WFDC10A: variants seen among roughly 807,000 people sequenced by gnomAD.
WFDC10A encodes the protein WAP four-disulfide core domain protein 10A.
WFDC10A carries 2 observed loss-of-function variants against 2.6 expected under a neutral mutation model. The observed-to-expected ratio is 0.76, with a 90% CI of 0.31 to 2.40. The LOEUF is 2.40. Among genes scored for constraint, WFDC10A ranks in the 30% most tolerant of loss-of-function variants. WFDC10A has a pLI of 0.12. For missense variants in WFDC10A, 84 were observed against 91.8 expected (o/e 0.92, Z 0.35); for synonymous variants, 36 against 36.3 (o/e 0.99, Z 0.03).
intron 1 of WFDC10A, 26 bp from the exon 2 acceptor site, chr20:45,630,844 A>G (rs754872788): frequency 6.4e-7 from 1 of 1,561,910 alleles, no homozygotes; most frequent in Non-Finnish European, 8.6e-7. Flanking sequence ...AACTGCGTTT[A>G]TTTACCGTTC....
In WFDC10A at chr20:45,631,064, A is replaced by G. The variant is rs1157100851; in HGVS notation, c.*46A>G. On this transcript the variant is annotated 3_prime_UTR_variant, in exon 2 of 2. Coordinates refer to ENST00000372643, the MANE Select transcript of WFDC10A (RefSeq NM_080753.3). Reference sequence around the variant, plus strand: ...GTGCATCCTGCTTCCCAACTCCTCTATCCAAGACTGTGCCCACATCCGAAG... The same window carrying G: ...GTGCATCCTGCTTCCCAACTCCTCTGTCCAAGACTGTGCCCACATCCGAAG... The G allele has an allele frequency of 1.3e-6, 2 of 1,518,806 alleles. No individual in the cohort carries two copies. The highest frequency in any genetic ancestry group is 2.4e-5 in the East Asian group (1 of 41,686). 94.1% of individuals were successfully genotyped at this position (1,518,806 alleles called of 1,614,324 possible). A position where few individuals can be genotyped will look rare whatever the true frequency, so the allele number is the denominator to read the frequency against.
At position 45,630,987 on chromosome 20, in the gene WFDC10A, A is replaced by G. The variant is rs1303748514; in HGVS notation, c.209A>G (p.Tyr70Cys). The G allele has an allele frequency of 1.9e-6, 3 of 1,605,712 alleles. No individual in the cohort carries two copies. Among genetic ancestry groups the G allele is most frequent in the African/African-American group, 1.3e-5 (1 of 74,312 alleles). The change falls in exon 2 of 2, where the codon TAC (tyrosine) becomes TGC (cysteine). Residue 70 changes from tyrosine to cysteine, a missense_variant. Tyr to Cys is a radical substitution (Grantham distance 194, BLOSUM62 -2). Coordinates refer to ENST00000372643, the MANE Select transcript of WFDC10A (RefSeq NM_080753.3). Reference protein sequence around the residue: ...CQANNICCSTYCGNVCMSIL With the variant: ...CQANNICCSTCCGNVCMSIL ...GCAAATAACATATGCTGTTCTACCT[A>G]CTGTGGGAATGTTTGCATGAGCATC... is the stretch of plus-strand genomic sequence containing the variant.
At position 45,631,078 on chromosome 20, in the gene WFDC10A, C is replaced by T. The variant is rs1322609908; in HGVS notation, c.*60C>T. The T allele has an allele frequency of 4.1e-6, 6 of 1,479,826 alleles. No individual in the cohort carries two copies. Among genetic ancestry groups the T allele is most frequent in the Non-Finnish European group, 5.4e-6 (6 of 1,114,250 alleles). 91.7% of individuals were successfully genotyped at this position (1,479,826 alleles called of 1,614,324 possible). On this transcript the variant is annotated 3_prime_UTR_variant, in exon 2 of 2. Transcript: ENST00000372643. Reference sequence around the variant, plus strand: ...CCAACTCCTCTATCCAAGACTGTGCCCACATCCGAAGCACAAGGACCTCAA... The same window carrying T: ...CCAACTCCTCTATCCAAGACTGTGCTCACATCCGAAGCACAAGGACCTCAA...
chr20:45,630,166 A>C, intron 1 of WFDC10A, among the ~76,000 whole-genome samples: 1 of 152,238 alleles, frequency 6.6e-6, no homozygotes, highest in South Asian at 2.1e-4. Flanking sequence ...CACATCCCAT[A>C]GTGAAAGGCG....
chr20:45,630,024 A>T (rs1407755252), intron 1 of WFDC10A, 120 bp downstream of exon 1: 3 of 1,387,838 alleles, frequency 2.2e-6, no homozygotes, highest in South Asian at 2.8e-5. Context: ...TCTGACCACA[A>T]TGTTGTGTAG....
At position 45,631,066 on chromosome 20, in the gene WFDC10A, C is replaced by G; in HGVS notation, c.*48C>G. Reference sequence around the variant, plus strand: ...GCATCCTGCTTCCCAACTCCTCTATCCAAGACTGTGCCCACATCCGAAGCA... The same window carrying G: ...GCATCCTGCTTCCCAACTCCTCTATGCAAGACTGTGCCCACATCCGAAGCA... On this transcript the variant is annotated 3_prime_UTR_variant, in exon 2 of 2. Transcript: ENST00000372643. 6.6e-7 allele frequency: 1 copy of G among 1,515,432 alleles called. No individual in the cohort carries two copies. Among genetic ancestry groups the G allele is most frequent in the South Asian group, 1.4e-5 (1 of 73,556 alleles). 93.9% of individuals were successfully genotyped at this position (1,515,432 alleles called of 1,614,324 possible). A position where few individuals can be genotyped will look rare whatever the true frequency, so the allele number is the denominator to read the frequency against.
chr20:45,630,270 G>A (rs557592559), intron 1 of WFDC10A, among the ~76,000 whole-genome samples: 15 of 152,212 alleles, frequency 9.9e-5, no homozygotes, highest in Middle Eastern at 3.4e-3. Context: ...TGGTTATGAC[G>A]GTAGGTGTAG....
Position 45,629,755 on chromosome 20 carries a change from T to C in WFDC10A, c.-59T>C, listed in dbSNP as rs1475495733. On this transcript the variant is annotated 5_prime_UTR_variant, in exon 1 of 2. Transcript: ENST00000372643. Reference sequence around the variant, plus strand: ...CCTTCCTTCACTCTCCGTAGACAGCTCTGCAGGGAAGTCTGTGACAACCTG... The same window carrying C: ...CCTTCCTTCACTCTCCGTAGACAGCCCTGCAGGGAAGTCTGTGACAACCTG... 7 of 1,579,110 alleles carry C rather than the reference T, an allele frequency of 4.4e-6. No homozygotes were observed. The highest frequency in any genetic ancestry group is 6.0e-6 in the Non-Finnish European group (7 of 1,159,262).
chr20:45,630,978 G>A lies in WFDC10A; in HGVS notation c.200G>A (p.Cys67Tyr). 1 of 1,609,934 alleles carries A rather than the reference G, an allele frequency of 6.2e-7. No individual in the cohort carries two copies. Among genetic ancestry groups the A allele is most frequent in the South Asian group, 1.1e-5 (1 of 90,302 alleles). Residue 67 changes from cysteine (C) to tyrosine (Y), a missense_variant, in exon 2 of 2, where the codon TGT becomes TAT. By Grantham distance (194) the Cys-to-Tyr change is radical (BLOSUM62 -2). Coordinates refer to ENST00000372643, the MANE Select transcript of WFDC10A (RefSeq NM_080753.3). The part of the protein sequence containing the change: ...HRDCQANNIC[C>Y]STYCGNVCMS... ...GATTGTCAAGCAAATAACATATGCT[G>A]TTCTACCTACTGTGGGAATGTTTGC...
chr20:45,630,960 A>G lies in WFDC10A; in HGVS notation c.182A>G (p.Gln61Arg), dbSNP rs143649068. ...KHLCESHRDCQANNICCSTYC... is the reference protein window; with the variant it reads ...KHLCESHRDCRANNICCSTYC... ...TTATGTGAATCTCACCGAGATTGTC[A>G]AGCAAATAACATATGCTGTTCTACC... is the stretch of plus-strand genomic sequence containing the variant. The change falls in exon 2 of 2, where the codon CAA becomes CGA. Residue 61 changes from glutamine (Q) to arginine (R), a missense_variant. Transcript: ENST00000372643. 2 of 1,612,200 alleles carry G rather than the reference A, an allele frequency of 1.2e-6. No homozygotes were observed. The highest frequency in any genetic ancestry group is 1.7e-5 in the Admixed American group (1 of 59,720).
At position 45,630,431 on chromosome 20, in the gene WFDC10A, C is replaced by T. The variant is rs764728229; in HGVS notation, c.92-439C>T. ...GGGGCAGGAAGACTAGAGACAGTGA[C>T]AGTGAGCAGAAGAGAGGGAGAGACA... On this transcript the variant is annotated intron_variant, in intron 1 of 1. Coordinates refer to ENST00000372643, the MANE Select transcript of WFDC10A (RefSeq NM_080753.3). 2.6e-5 allele frequency among the ~76,000 whole-genome samples: 4 copies of T among 152,042 alleles called. No homozygotes were observed. In the East Asian group the frequency reaches 5.8e-4, roughly 22 times the overall value.
In WFDC10A at chr20:45,630,937, A is replaced by T. The variant is rs1370973213; in HGVS notation, c.159A>T (p.Leu53Phe). Reference protein sequence around the residue: ...QQPKLYLCKHLCESHRDCQAN... With the variant: ...QQPKLYLCKHFCESHRDCQAN... ...CTAAACTATATCTATGCAAACACTT[A>T]TGTGAATCTCACCGAGATTGTCAAG... Residue 53 changes from leucine to phenylalanine, a missense_variant, in exon 2 of 2, where the codon TTA becomes TTT. Physicochemically the swap from Leu to Phe is conservative, Grantham distance 22 (BLOSUM62 0). Coordinates refer to ENST00000372643, the MANE Select transcript of WFDC10A (RefSeq NM_080753.3). The T allele has an allele frequency of 6.2e-7, 1 of 1,612,656 alleles. No individual in the cohort carries two copies. The highest frequency in any genetic ancestry group is 1.3e-5 in the African/African-American group (1 of 74,812).
intron 1 of WFDC10A, among the ~76,000 whole-genome samples, chr20:45,630,324 G>T (rs1263230815): frequency 2.6e-5 from 4 of 151,788 alleles, no homozygotes; most frequent in African/African-American, 9.7e-5. Context: ...CATAAGACAA[G>T]CAAAAGTTGG....
Position 45,630,953 on chromosome 20 carries a change from G to C in WFDC10A, c.175G>C (p.Asp59His). The change falls in exon 2 of 2, where the codon GAT becomes CAT. Residue 59 changes from aspartate (D) to histidine (H), a missense_variant. Coordinates refer to ENST00000372643, the MANE Select transcript of WFDC10A (RefSeq NM_080753.3). ...LCKHLCESHRDCQANNICCST... is the reference protein window; with the variant it reads ...LCKHLCESHRHCQANNICCST... ...CAAACACTTATGTGAATCTCACCGA[G>C]ATTGTCAAGCAAATAACATATGCTG... 1 of 1,612,464 alleles carries C rather than the reference G, an allele frequency of 6.2e-7. No homozygotes were observed. Among genetic ancestry groups the C allele is most frequent in the Non-Finnish European group, 8.5e-7 (1 of 1,179,398 alleles).
Position 45,631,029 on chromosome 20 carries a change from G to T in WFDC10A, c.*11G>T. On this transcript the variant is annotated 3_prime_UTR_variant, in exon 2 of 2. Coordinates refer to ENST00000372643, the MANE Select transcript of WFDC10A (RefSeq NM_080753.3). Reference sequence around the variant, plus strand: ...ATGAGCATCCTGTGAGTGGGAGAGTGGGCTGGGATGTGCATCCTGCTTCCC... The same window carrying T: ...ATGAGCATCCTGTGAGTGGGAGAGTTGGCTGGGATGTGCATCCTGCTTCCC... 6.3e-7 allele frequency: 1 copy of T among 1,584,068 alleles called. No homozygotes were observed.
intron 1 of WFDC10A, 111 bp downstream of exon 1, chr20:45,630,015 C>G: frequency 1.4e-6 from 2 of 1,437,422 alleles, no homozygotes; most frequent in Admixed American, 2.0e-5. Flanking sequence ...ATATCCAGCT[C>G]TGACCACAAT....
chr20:45,630,997 T>C lies in WFDC10A; in HGVS notation c.219T>C (p.Asn73=), dbSNP rs762149200. ...NNICCSTYCG[N]VCMSIL ...TATGCTGTTCTACCTACTGTGGGAA[T>C]GTTTGCATGAGCATCCTGTGAGTGG... Residue 73 remains asparagine, a synonymous_variant, in exon 2 of 2, where the codon AAT becomes AAC. Coordinates refer to ENST00000372643, the MANE Select transcript of WFDC10A (RefSeq NM_080753.3). The C allele has an allele frequency of 1.9e-5, 30 of 1,604,042 alleles. No homozygotes were observed. The Admixed American group carries it at 4.6e-4, about 25-fold the overall frequency.
intron 1 of WFDC10A, among the ~76,000 whole-genome samples, chr20:45,630,399 T>C (rs1422098502): frequency 1.3e-5 from 2 of 151,872 alleles, no homozygotes; most frequent in Non-Finnish European, 2.9e-5. Context: ...GAAAGGGAAC[T>C]AAAGAAGGGG....
rs774124968 is a variant in WFDC10A at position 45,630,887 on chromosome 20, GA to G, written c.112del (p.Ile38SerfsTer39). The G allele has an allele frequency of 5.6e-6, 9 of 1,603,290 alleles. No individual in the cohort carries two copies. In the East Asian group the frequency reaches 2.0e-4, roughly 36 times the overall value. On this transcript the variant is annotated frameshift_variant, in exon 2 of 2. Transcript: ENST00000372643. LOFTEE classifies it low-confidence loss of function (END_TRUNC). ...CTTGTCAGAAACACAGCTATCCCCAGAAATCAAAGTCTGCCAGCAGCAGCCT... is the reference window on the plus strand; with the variant it reads ...CTTGTCAGAAACACAGCTATCCCCAGAATCAAAGTCTGCCAGCAGCAGCCT... ...KRMQKTQLSP[E>X]IKVCQQQPKL...
Sources: gnomAD v4.1 joint callset for allele counts (sites outside exome capture counted in the v4.1 genomes callset) on GRCh38, gnomAD v4.1.1 for gene constraint, MANE v1.5 for transcripts, NCBI Gene and HGNC (gene_info 2026-07-23, HGNC 2026-07-21) for gene names.